The following USP31 variants were observed in gnomAD, a reference collection of about 807,000 sequenced individuals.
The protein encoded by USP31 is ubiquitin carboxyl-terminal hydrolase 31.
Under a neutral mutation model 119.4 loss-of-function variants are expected in USP31, and 44 were observed. The observed-to-expected ratio is 0.37, with a 90% CI of 0.29 to 0.47. The LOEUF is 0.47. Ranked by LOEUF, USP31 falls within the 20% of genes least tolerant of loss-of-function variation. USP31 has a pLI of 0.99. For synonymous variants in USP31, 749 were observed against 705.6 expected (o/e 1.06, Z -0.97); for missense variants, 1,643 against 1,730.2 (o/e 0.95, Z 0.89).
Position 23,117,142 on chromosome 16 carries a change from A to T in USP31, c.634-8959T>A, listed in dbSNP as rs552383096. On this transcript the variant is annotated intron_variant, in intron 1 of 15. Transcript: ENST00000219689. ...AATTTTGGAGCATTTCAGATTTCAGATTGTCAGATTTAGGATACTCAACCT... is the reference window on the plus strand; with the variant it reads ...AATTTTGGAGCATTTCAGATTTCAGTTTGTCAGATTTAGGATACTCAACCT... 3.9e-5 allele frequency among the ~76,000 whole-genome samples: 6 copies of T among 152,302 alleles called. No individual in the cohort carries two copies. In the South Asian group the frequency reaches 1.0e-3, roughly 26 times the overall value.
intron 1 of USP31, among the ~76,000 whole-genome samples, chr16:23,119,420 C>T (rs896643517): frequency 2.0e-5 from 3 of 152,170 alleles, no homozygotes; most frequent in Non-Finnish European, 4.4e-5. Flanking sequence ...TGTTCAACCT[C>T]AGCTGATTAA....
chr16:23,103,883 C>G (rs1901985020), intron 5 of USP31, among the ~76,000 whole-genome samples: 1 of 152,202 alleles, frequency 6.6e-6, no homozygotes, highest in Non-Finnish European at 1.5e-5. Flanking sequence ...CCAATGCACT[C>G]CAGCCTGGGC....
In USP31 at chr16:23,082,550, G is replaced by A. The variant is rs1370919689; in HGVS notation, c.1838C>T (p.Pro613Leu). 2 of 1,613,944 alleles carry A rather than the reference G, an allele frequency of 1.2e-6. No individual in the cohort carries two copies. The highest frequency in any genetic ancestry group is 1.7e-6 in the Non-Finnish European group (2 of 1,180,028). The change falls in exon 12 of 16, where the codon CCC becomes CTC. Residue 613 changes from proline to leucine, a missense_variant. By Grantham distance (98) the Pro-to-Leu change is moderately conservative (BLOSUM62 -3). Coordinates refer to ENST00000219689, the MANE Select transcript of USP31 (RefSeq NM_020718.4). The part of the protein sequence containing the change: ...QLYTKEERLA[P>L]DDAWRCPHCK... ...GTGTGGGCAACGCCAGGCATCATCG[G>A]GGGCAAGCTGAAAACAGAAGCATGA...
rs577306581 is a variant in USP31, at chr16:23,097,747, A to G, written c.1234+4572T>C. Reference sequence around the variant, plus strand: ...ACCATATGATTATCTCAATAGATGCAGAAAAGGCCTTCAACAAAATTCAAC... The same window carrying G: ...ACCATATGATTATCTCAATAGATGCGGAAAAGGCCTTCAACAAAATTCAAC... On this transcript the variant is annotated intron_variant, in intron 6 of 15. Coordinates refer to ENST00000219689, the MANE Select transcript of USP31 (RefSeq NM_020718.4). Among the ~76,000 whole-genome samples, 26 of 152,386 alleles carry G rather than the reference A, an allele frequency of 1.7e-4. No individual in the cohort carries two copies. The East Asian group carries it at 3.5e-3, about 20-fold the overall frequency.
At position 23,149,279 on chromosome 16, in the gene USP31, C is replaced by A; in HGVS notation, c.-9G>T. Reference sequence around the variant, plus strand: ...GCCGTTACCTTGGACATGGCGGCGGCCGCAGACACTCATCACCGCGCCCGC... The same window carrying A: ...GCCGTTACCTTGGACATGGCGGCGGACGCAGACACTCATCACCGCGCCCGC... On this transcript the variant is annotated 5_prime_UTR_variant, in exon 1 of 16. Transcript: ENST00000219689. 9.3e-7 allele frequency: 1 copy of A among 1,072,720 alleles called. No homozygotes were observed. The highest frequency in any genetic ancestry group is 1.1e-6 in the Non-Finnish European group (1 of 887,252). The allele number at this position is 1,072,720 out of a possible 1,614,324, so 66.5% of individuals were successfully genotyped here. A position where few individuals can be genotyped will look rare whatever the true frequency, so the allele number is the denominator to read the frequency against.
chr16:23,107,317 AC>A (rs1430533083), intron 2 of USP31, among the ~76,000 whole-genome samples: 1 of 152,084 alleles, frequency 6.6e-6, no homozygotes, highest in Admixed American at 6.5e-5. Flanking sequence ...AGATAATAAG[AC>A]CCAGTGCCTG....
chr16:23,084,521 C>T (rs1901006401), intron 11 of USP31, among the ~76,000 whole-genome samples: 1 of 151,710 alleles, frequency 6.6e-6, no homozygotes, highest in Non-Finnish European at 1.5e-5. Context: ...GTTCTTAGTA[C>T]CAAAAAGTCA....
chr16:23,071,614 T>G lies in USP31; in HGVS notation c.2488+431A>C, dbSNP rs538417577. Among the ~76,000 whole-genome samples, 4 of 152,170 alleles carry G rather than the reference T, an allele frequency of 2.6e-5. No homozygotes were observed. The East Asian group carries it at 7.7e-4, about 29-fold the overall frequency. On this transcript the variant is annotated intron_variant, in intron 15 of 15. Transcript: ENST00000219689. ...CCCTGGGGAGCAGCATGTTGGAAGGTGAGGCTCTCCTGGGGCCAAGAGAGC... is the reference window on the plus strand; with the variant it reads ...CCCTGGGGAGCAGCATGTTGGAAGGGGAGGCTCTCCTGGGGCCAAGAGAGC...
rs1191113684 is a variant in USP31, at chr16:23,149,125, G to A, written c.146C>T (p.Pro49Leu). The change falls in exon 1 of 16, where the codon CCT (proline) becomes CTT (leucine). Residue 49 changes from proline to leucine, a missense_variant. Pro to Leu is a moderately conservative substitution (Grantham distance 98, BLOSUM62 -3). Around this residue, in one of 5 missense-constraint regions of USP31, gnomAD observed 302 missense variants for 262.6 expected, o/e 1.15. Coordinates refer to ENST00000219689, the MANE Select transcript of USP31 (RefSeq NM_020718.4). ...AGAGGAGGGCGAGGAGGGCGAGGAA[G>A]GCGCGGCCGGCCCGGACGCCCCGGG... ...GGPGASGPAA[P>L]SSPSSPSSAR... 2 of 1,254,426 alleles carry A rather than the reference G, an allele frequency of 1.6e-6. No homozygotes were observed. The highest frequency in any genetic ancestry group is 1.6e-5 in the African/African-American group (1 of 63,356). The allele number at this position is 1,254,426 out of a possible 1,614,324, so 77.7% of individuals were successfully genotyped here. A position where few individuals can be genotyped will look rare whatever the true frequency, so the allele number is the denominator to read the frequency against.
At chr16:23,070,510 G>A (rs1307984450) in intron 15 of USP31, among the ~76,000 whole-genome samples, 3 of 152,004 alleles carry the variant, frequency 2.0e-5, no homozygotes, top group Admixed American at 6.5e-5. Flanking sequence ...TCAGGAGATC[G>A]AGACCATTCT....
intron 12 of USP31, among the ~76,000 whole-genome samples, chr16:23,081,420 T>C (rs1372293205): frequency 6.6e-6 from 1 of 152,178 alleles, no homozygotes; most frequent in Non-Finnish European, 1.5e-5. Flanking sequence ...CTGGGGACCA[T>C]CTGTGTGTTG....
chr16:23,089,286 T>G (rs1901249267), intron 7 of USP31, among the ~76,000 whole-genome samples: 1 of 152,098 alleles, frequency 6.6e-6, no homozygotes, highest in Admixed American at 6.5e-5. Flanking sequence ...TGACCTCCCT[T>G]CCTAATGTTG....
At chr16:23,085,542 T>C (rs767142642) in intron 10 of USP31, 43 bp downstream of exon 10, 2 of 1,541,798 alleles carry the variant, frequency 1.3e-6, no homozygotes, top group Non-Finnish European at 1.8e-6. Flanking sequence ...AAAATGATAA[T>C]TAAAACAATG....
intron 1 of USP31, among the ~76,000 whole-genome samples, chr16:23,120,171 T>C (rs1902620851): frequency 6.6e-6 from 1 of 152,218 alleles, no homozygotes; most frequent in Admixed American, 6.5e-5. Context: ...GGGGGAAATT[T>C]TGACTTACAA....
chr16:23,127,725 G>A lies in USP31; in HGVS notation c.634-19542C>T, dbSNP rs191642261. ...GAACTCCTGACCTCGTGATCCACCC[G>A]CCTCGGCCTCCCAAAGTGCTGGGAT... On this transcript the variant is annotated intron_variant, in intron 1 of 15. Coordinates refer to ENST00000219689, the MANE Select transcript of USP31 (RefSeq NM_020718.4). 4.2e-3 allele frequency among the ~76,000 whole-genome samples: 600 copies of A among 143,994 alleles called. 7 individuals carry two copies. The highest frequency in any genetic ancestry group is 0.014 in the African/African-American group (545 of 38,666). 94.5% of individuals were successfully genotyped at this position (143,994 alleles called of 152,430 possible).
intron 7 of USP31, 135 bp from the exon 8 acceptor site, chr16:23,087,970 G>A (rs1273679264): frequency 2.8e-6 from 2 of 708,860 alleles, no homozygotes; most frequent in African/African-American, 1.8e-5. Flanking sequence ...AAAAGAAACA[G>A]GAAATTTAAT....
Position 23,069,333 on chromosome 16 carries a change from T to A in USP31, c.2772A>T (p.Glu924Asp). ...CACGGCGACTATGACTGTCGCTTGG[T>A]TCCTGGTAACTGCTAGAAAGGTTCC... The part of the protein sequence containing the change: ...SLRNLSSSYQ[E>D]PSDSHSRREH... The change falls in exon 16 of 16, where the codon GAA (glutamate) becomes GAT (aspartate). Residue 924 changes from glutamate to aspartate, a missense_variant. Glu to Asp is a conservative substitution (Grantham distance 45). Coordinates refer to ENST00000219689, the MANE Select transcript of USP31 (RefSeq NM_020718.4). The A allele has an allele frequency of 6.2e-7, 1 of 1,603,162 alleles. No homozygotes were observed.
Position 23,064,023 on chromosome 16 carries a change from T to C in USP31, c.*4023A>G, listed in dbSNP as rs146497747. 6.5e-5 allele frequency: 10 copies of C among 152,782 alleles called. No homozygotes were observed. Among genetic ancestry groups the C allele is most frequent in the African/African-American group, 2.4e-4 (10 of 41,592 alleles). 9.5% of individuals were successfully genotyped at this position (152,782 alleles called of 1,614,324 possible). ...TGAAAGTTAAAGACAGCCTGCACAG[T>C]AACAGCTACTTTTTGTGTTCGTTTG... On this transcript the variant is annotated 3_prime_UTR_variant, in exon 16 of 16. Transcript: ENST00000219689.
At chr16:23,103,026 A>G (rs976445076) in intron 5 of USP31, among the ~76,000 whole-genome samples, 1 of 152,344 alleles carries the variant, frequency 6.6e-6, no homozygotes, top group Non-Finnish European at 1.5e-5. Context: ...GGGTTCCTAC[A>G]ACCAATCACA....
Sources: gnomAD v4.1 joint callset for allele counts (sites outside exome capture counted in the v4.1 genomes callset) on GRCh38, gnomAD v4.1.1 for gene constraint, gnomAD v4.1.1 regional missense constraint, MANE v1.5 for transcripts, NCBI Gene and HGNC (gene_info 2026-07-23, HGNC 2026-07-21) for gene names.